DTNB: variants seen among roughly 807,000 people sequenced by gnomAD.
DTNB encodes the protein dystrobrevin beta, also known as DTN-B.
Under a neutral mutation model 90.7 loss-of-function variants are expected in DTNB, and 63 were observed. The observed-to-expected ratio is 0.69, with a 90% confidence interval of 0.57 to 0.86. DTNB has a LOEUF of 0.86. DTNB is among the 40% of genes least tolerant of loss of function. DTNB has a pLI of 0.00. For missense variants in DTNB, 744 were observed against 807.1 expected, an observed-to-expected ratio of 0.92 and a Z score of 0.95; for synonymous variants, 277 against 286.7, an observed-to-expected ratio of 0.97 and a Z score of 0.34.
At chr2:25,570,938 T>C (rs1312220709) in intron 8 of DTNB, among the ~76,000 whole-genome samples, 4 of 152,194 alleles carry the variant, frequency 2.6e-5, no homozygotes, top group South Asian at 2.1e-4. Context: ...TAATATACAA[T>C]GACCTCAACA....
chr2:25,486,632 C>CA (rs57903531), intron 9 of DTNB, among the ~76,000 whole-genome samples: 19,041 of 92,100 alleles, frequency 0.21, 1,479 homozygotes, highest in Middle Eastern at 0.25. Context: ...GACCCTGTCT[C>CA]AAAAAAAAAA....
chr2:25,378,873 G>C (rs1375363577), intron 20 of DTNB, among the ~76,000 whole-genome samples: 1 of 152,206 alleles, frequency 6.6e-6, no homozygotes, highest in Non-Finnish European at 1.5e-5. Context: ...TGCAGTGCTG[G>C]GTGACAGAAT....
chr2:25,443,448 G>C (rs2057876822), intron 12 of DTNB, among the ~76,000 whole-genome samples: 1 of 152,152 alleles, frequency 6.6e-6, no homozygotes, highest in African/African-American at 2.4e-5. Flanking sequence ...ATAAAACCAA[G>C]GGATGCCGAC....
At chr2:25,634,219 C>T (rs1243574514) in intron 3 of DTNB, among the ~76,000 whole-genome samples, 4 of 120,824 alleles carry the variant, frequency 3.3e-5, no homozygotes, top group African/African-American at 1.1e-4. Context: ...GCCAGCCGCC[C>T]TGTCCGGGAG....
intron 4 of DTNB, among the ~76,000 whole-genome samples, chr2:25,620,184 C>T (rs930929286): frequency 1.3e-5 from 2 of 152,080 alleles, no homozygotes; most frequent in Non-Finnish European, 2.9e-5. Context: ...GGAAAATGAG[C>T]ATGTCATATT....
chr2:25,528,502 G>A (rs115947845), intron 9 of DTNB, among the ~76,000 whole-genome samples: 2,068 of 152,160 alleles, frequency 0.014, 30 homozygotes, highest in Admixed American at 0.026. Context: ...ATTATTTGCC[G>A]ATTATATAAT....
chr2:25,499,148 C>T (rs1441081472), intron 9 of DTNB, among the ~76,000 whole-genome samples: 4 of 150,210 alleles, frequency 2.7e-5, no homozygotes, highest in African/African-American at 4.9e-5. Flanking sequence ...ACCGGGGAGG[C>T]GGAGGACGCA....
At chr2:25,540,837 AAGGCAGCATGCTCGTT>A (rs2081064477) in intron 8 of DTNB, among the ~76,000 whole-genome samples, 1 of 152,094 alleles carries the variant, frequency 6.6e-6, no homozygotes, top group Admixed American at 6.5e-5. Context: ...CAGATGCTTG[AAGGCAGCATGCTCGTT>A]AAGAGTCATC....
At chr2:25,401,211 G>A (rs1209485858) in intron 16 of DTNB, among the ~76,000 whole-genome samples, 1 of 152,186 alleles carries the variant, frequency 6.6e-6, no homozygotes, top group Non-Finnish European at 1.5e-5. Context: ...GAGACTAAAA[G>A]GAACATGGAT....
chr2:25,392,198 C>G (rs1018026492), intron 16 of DTNB, among the ~76,000 whole-genome samples: 2 of 152,132 alleles, frequency 1.3e-5, no homozygotes, highest in African/African-American at 4.8e-5. Flanking sequence ...CACTTGAGGT[C>G]AGGAGTTCGA....
chr2:25,550,430 A>C (rs779805507), intron 8 of DTNB, among the ~76,000 whole-genome samples: 23 of 152,110 alleles, frequency 1.5e-4, no homozygotes, highest in African/African-American at 4.6e-4. Context: ...ACAAAAAAAA[A>C]CACGGTGCTA....
At chr2:25,537,980 G>A in intron 8 of DTNB, among the ~76,000 whole-genome samples, 1 of 152,184 alleles carries the variant, frequency 6.6e-6, no homozygotes, top group South Asian at 2.1e-4. Context: ...CGTAGAAAGT[G>A]AAATATTCTC....
intron 16 of DTNB, among the ~76,000 whole-genome samples, chr2:25,414,927 C>CG (rs1558421093): frequency 3.2e-4 from 49 of 152,200 alleles, no homozygotes; most frequent in Middle Eastern, 3.4e-3. Flanking sequence ...ATGGGCTGAA[C>CG]AGTCACTCAG....
chr2:25,671,719 C>A (rs1210789588), intron 1 of DTNB, among the ~76,000 whole-genome samples: 1 of 152,228 alleles, frequency 6.6e-6, no homozygotes, highest in African/African-American at 2.4e-5. Context: ...TGCACAACCC[C>A]TTTCAAAGGC....
chr2:25,576,248 C>CA (rs1361653829), intron 8 of DTNB, among the ~76,000 whole-genome samples: 3 of 117,840 alleles, frequency 2.5e-5, no homozygotes, highest in Non-Finnish European at 3.3e-5. Context: ...TTTTTTGAGA[C>CA]AGAGTCTTAC....
At chr2:25,541,945 C>T (rs1333997995) in intron 8 of DTNB, among the ~76,000 whole-genome samples, 1 of 152,132 alleles carries the variant, frequency 6.6e-6, no homozygotes, top group Non-Finnish European at 1.5e-5. Flanking sequence ...GATAACAAGC[C>T]TTCTCGTTTT....
At chr2:25,522,834 G>A (rs1355300926) in intron 9 of DTNB, among the ~76,000 whole-genome samples, 3 of 151,570 alleles carry the variant, frequency 2.0e-5, no homozygotes. Flanking sequence ...CCAAGTAGCT[G>A]GGATTACAGG....
At chr2:25,590,929 C>T (rs148197915) in intron 6 of DTNB, among the ~76,000 whole-genome samples, 1 of 152,378 alleles carries the variant, frequency 6.6e-6, no homozygotes, top group Non-Finnish European at 1.5e-5. Context: ...CCAAGGGGCA[C>T]CTGCAGGCCA....
At chr2:25,595,474 C>T (rs969998808) in intron 6 of DTNB, among the ~76,000 whole-genome samples, 3 of 151,960 alleles carry the variant, frequency 2.0e-5, no homozygotes, top group African/African-American at 4.8e-5. Flanking sequence ...AACAAATGGA[C>T]GCTGCAGCCA....
Sources: gnomAD v4.1 joint callset for allele counts (sites outside exome capture counted in the v4.1 genomes callset) on GRCh38, gnomAD v4.1.1 for gene constraint, MANE v1.5 for transcripts, NCBI Gene and HGNC (gene_info 2026-07-23, HGNC 2026-07-21) for gene names.